Variants in SDC2 observed in about 807,000 individuals in gnomAD.
SDC2 encodes the protein syndecan-2.
SDC2 carries 13 observed loss-of-function variants against 22.2 expected under a neutral mutation model. The observed-to-expected ratio is 0.59, with a 90% confidence interval of 0.38 to 0.93. The LOEUF (loss-of-function observed/expected upper bound fraction) is 0.93. SDC2 is among the 40% of genes least tolerant of loss of function. The pLI, the probability that SDC2 is intolerant of heterozygous loss-of-function variation, is 0.00. For synonymous variants in SDC2, 94 were observed against 92.8 expected, an observed-to-expected ratio of 1.01 and a Z score of -0.07; for missense variants, 235 against 246.8, an observed-to-expected ratio of 0.95 and a Z score of 0.32.
At chr8:96,560,843 C>T (rs993696171) in intron 1 of SDC2, among the ~76,000 whole-genome samples, 9 of 152,154 alleles carry the variant, frequency 5.9e-5, no homozygotes, top group Non-Finnish European at 1.0e-4. Flanking sequence ...TGATGGCTCA[C>T]GCTTGTAATC....
chr8:96,568,276 A>G (rs1321673175), intron 1 of SDC2, among the ~76,000 whole-genome samples: 1 of 152,222 alleles, frequency 6.6e-6, no homozygotes, highest in African/African-American at 2.4e-5. Context: ...ATGAAATGTT[A>G]TCTGTAATGA....
intron 1 of SDC2, among the ~76,000 whole-genome samples, chr8:96,515,510 G>A (rs1183540672): frequency 6.6e-6 from 1 of 152,168 alleles, no homozygotes; most frequent in Non-Finnish European, 1.5e-5. Context: ...GTCGGAGTAG[G>A]AGGTAAAGTT....
At chr8:96,576,374 G>GTTTTTTTTTTTTTTTTTTTTTTTTTTTT (rs1225034584) in intron 1 of SDC2, among the ~76,000 whole-genome samples, 1 of 40,632 alleles carries the variant, frequency 2.5e-5, no homozygotes, top group African/African-American at 8.7e-5. Flanking sequence ...GTTTGTTTTT[G>GTTTTTTTTTTTTTTTTTTTTTTTTTTTT]TTTTGTTTTG....
At chr8:96,552,339 T>G (rs1044991629) in intron 1 of SDC2, among the ~76,000 whole-genome samples, 1 of 152,216 alleles carries the variant, frequency 6.6e-6, no homozygotes, top group Non-Finnish European at 1.5e-5. Context: ...AGTTCTTGAA[T>G]TATATCCCAT....
intron 1 of SDC2, among the ~76,000 whole-genome samples, chr8:96,591,004 G>C (rs1227946457): frequency 6.6e-6 from 1 of 152,170 alleles, no homozygotes; most frequent in Non-Finnish European, 1.5e-5. Flanking sequence ...GCTGTCCCAG[G>C]AAGTCAGTTG....
At chr8:96,507,913 C>T (rs923092295) in intron 1 of SDC2, among the ~76,000 whole-genome samples, 1 of 152,178 alleles carries the variant, frequency 6.6e-6, no homozygotes, top group African/African-American at 2.4e-5. Context: ...CCTGTAATCC[C>T]AGCACTTTGG....
At chr8:96,555,810 G>T (rs532523305) in intron 1 of SDC2, among the ~76,000 whole-genome samples, 53 of 152,032 alleles carry the variant, frequency 3.5e-4, no homozygotes, top group Non-Finnish European at 6.8e-4. Context: ...TTGACCCTGG[G>T]TGCCAGATGA....
chr8:96,607,311 C>A (rs1815098034), intron 3 of SDC2, among the ~76,000 whole-genome samples: 1 of 152,130 alleles, frequency 6.6e-6, no homozygotes, highest in Admixed American at 6.6e-5. Flanking sequence ...GGGATGGGAG[C>A]TGGGCTGTGA....
In SDC2 at chr8:96,532,412, G is replaced by GTTTTTTTTTTTTTTTT. The variant is rs35452131; in HGVS notation, c.60+38089_60+38104dup. The stretch of plus-strand genomic sequence containing the variant: ...CCTGAGTCTCTCTGCTTATTGAGGC[G>GTTTTTTTTTTTTTTTT]TTTTTTTTTTTTTTTTTTTTTTTGG... On this transcript the variant is annotated intron_variant, in intron 1 of 4. Coordinates refer to ENST00000302190, the MANE Select transcript of SDC2 (RefSeq NM_002998.4). Among the ~76,000 whole-genome samples, 28 of 47,944 alleles carry GTTTTTTTTTTTTTTTT rather than the reference G, an allele frequency of 5.8e-4. 5 individuals are homozygous for GTTTTTTTTTTTTTTTT. The highest frequency in any genetic ancestry group is 2.7e-3 in the African/African-American group (26 of 9,556). 31.5% of individuals were successfully genotyped at this position (47,944 alleles called of 152,430 possible). A position where few individuals can be genotyped will look rare whatever the true frequency, so the allele number is the denominator to read the frequency against.
At chr8:96,514,154 T>A (rs181370772) in intron 1 of SDC2, among the ~76,000 whole-genome samples, 2 of 152,330 alleles carry the variant, frequency 1.3e-5, no homozygotes, top group Admixed American at 1.3e-4. Context: ...GGGGACTGTG[T>A]ATGTAACCAT....
intron 1 of SDC2, among the ~76,000 whole-genome samples, chr8:96,570,129 TCTCCA>T (rs1303379831): frequency 4.6e-5 from 7 of 152,168 alleles, no homozygotes; most frequent in Non-Finnish European, 1.0e-4. Flanking sequence ...ATCACTATCC[TCTCCA>T]TTTTATAGAT....
chr8:96,546,273 C>T (rs1186020045), intron 1 of SDC2, among the ~76,000 whole-genome samples: 1 of 152,142 alleles, frequency 6.6e-6, no homozygotes, highest in Non-Finnish European at 1.5e-5. Context: ...TCACTTGAAA[C>T]TTTGGAATTT....
chr8:96,508,008 A>C (rs1029578464), intron 1 of SDC2, among the ~76,000 whole-genome samples: 3 of 148,358 alleles, frequency 2.0e-5, no homozygotes, highest in Non-Finnish European at 4.5e-5. Flanking sequence ...CTAAAAATAC[A>C]AAAATAGGCC....
At chr8:96,592,954 A>C (rs1334283619) in intron 1 of SDC2, among the ~76,000 whole-genome samples, 1 of 152,216 alleles carries the variant, frequency 6.6e-6, no homozygotes, top group African/African-American at 2.4e-5. Context: ...GACCCAGGTG[A>C]CTGGGGATCT....
chr8:96,600,725 C>G (rs569711926), intron 2 of SDC2, among the ~76,000 whole-genome samples: 2 of 152,232 alleles, frequency 1.3e-5, no homozygotes, highest in South Asian at 2.1e-4. Flanking sequence ...TGTGTAGGAA[C>G]AGAGGGCTTC....
In SDC2 at chr8:96,494,012, C is replaced by G. The variant is rs927600028; in HGVS notation, c.-260C>G. 5.7e-6 allele frequency: 3 copies of G among 529,994 alleles called. No individual in the cohort carries two copies. Among genetic ancestry groups the G allele is most frequent in the Non-Finnish European group, 9.9e-6 (3 of 304,356 alleles). 32.8% of individuals were successfully genotyped at this position (529,994 alleles called of 1,614,324 possible). A position where few individuals can be genotyped will look rare whatever the true frequency, so the allele number is the denominator to read the frequency against. On this transcript the variant is annotated 5_prime_UTR_variant, in exon 1 of 5. Coordinates refer to ENST00000302190, the MANE Select transcript of SDC2 (RefSeq NM_002998.4). ...TCAGAGAGCAGCCTTCCCGGAGCAC[C>G]AACTCCGTGTCGGGAGTGCAGAAAC...
At chr8:96,577,947 T>C (rs1814531712) in intron 1 of SDC2, among the ~76,000 whole-genome samples, 1 of 152,364 alleles carries the variant, frequency 6.6e-6, no homozygotes. Flanking sequence ...TAATATTCCA[T>C]TGTGTGGCTG....
rs896181707 is a variant in SDC2 at position 96,508,953 on chromosome 8, T to G, written c.60+14622T>G. ...ATGGTTGCAGCCCCGAATCATGAAGTGTCAGAATCTTCCTTTTCATTGGTT... is the reference window on the plus strand; with the variant it reads ...ATGGTTGCAGCCCCGAATCATGAAGGGTCAGAATCTTCCTTTTCATTGGTT... On this transcript the variant is annotated intron_variant, in intron 1 of 4. Transcript: ENST00000302190. Among the ~76,000 whole-genome samples, 3 of 142,408 alleles carry G rather than the reference T, an allele frequency of 2.1e-5. 1 individual carries two copies. The highest frequency in any genetic ancestry group is 4.8e-5 in the Non-Finnish European group (3 of 62,452). The allele number at this position is 142,408 out of a possible 152,430, so 93.4% of individuals were successfully genotyped here. A position where few individuals can be genotyped will look rare whatever the true frequency, so the allele number is the denominator to read the frequency against.
At position 96,494,115 on chromosome 8, in the gene SDC2, C is replaced by CCCCCGAGCCCCGAGCCCGAGT; in HGVS notation, c.-147_-127dup. 1.5e-6 allele frequency: 1 copy of CCCCCGAGCCCCGAGCCCGAGT among 675,772 alleles called. No individual in the cohort carries two copies. The allele number at this position is 675,772 out of a possible 1,614,324, so 41.9% of individuals were successfully genotyped here. ...CAGGCGCAGGAGGAGGAAGCGAGCG[C>CCCCCGAGCCCCGAGCCCGAGT]CCCCGAGCCCCGAGCCCGAGTCCCC... On this transcript the variant is annotated 5_prime_UTR_variant, in exon 1 of 5. Transcript: ENST00000302190.
Sources: gnomAD v4.1 joint callset for allele counts (sites outside exome capture counted in the v4.1 genomes callset) on GRCh38, gnomAD v4.1.1 for gene constraint, MANE v1.5 for transcripts, NCBI Gene and HGNC (gene_info 2026-07-23, HGNC 2026-07-21) for gene names.